RBFOX1: variants seen among roughly 807,000 people sequenced by gnomAD.
The protein encoded by RBFOX1 is RNA binding protein fox-1 homolog 1.
RBFOX1 carries 8 observed loss-of-function variants against 57.7 expected under a neutral mutation model. That is an observed-to-expected ratio of 0.14 (90% CI 0.08 to 0.25). The LOEUF (loss-of-function observed/expected upper bound fraction) is 0.25, where lower values mean the gene tolerates loss of function less well. Among genes scored for constraint, RBFOX1 ranks in the 10% least tolerant of loss-of-function variants. RBFOX1 has a pLI of 1.00. For missense variants in RBFOX1, 611 were observed against 548.5 expected, an observed-to-expected ratio of 1.11 and a Z score of -1.14; for synonymous variants, 326 against 222.4, an observed-to-expected ratio of 1.47 and a Z score of -4.15.
intron 14 of RBFOX1, among the ~76,000 whole-genome samples, chr16:7,687,122 CTGTT>C (rs1045655545): frequency 2.4e-4 from 37 of 152,190 alleles, no homozygotes; most frequent in Middle Eastern, 6.8e-3. Context: ...TATAATCAAT[CTGTT>C]TGGTTACTTG....
intron 9 of RBFOX1, among the ~76,000 whole-genome samples, chr16:7,600,485 C>G (rs556307199): frequency 6.6e-6 from 1 of 151,972 alleles, no homozygotes; most frequent in African/African-American, 2.4e-5. Flanking sequence ...ATAAGCAAGA[C>G]GATAGAGTTA....
intron 3 of RBFOX1, among the ~76,000 whole-genome samples, chr16:6,880,454 G>T (rs1303550633): frequency 2.0e-5 from 3 of 152,184 alleles, no homozygotes; most frequent in Admixed American, 6.5e-5. Context: ...CTCTTCCCCT[G>T]TGTTGGTCAT....
chr16:6,820,234 G>C (rs12932155), intron 3 of RBFOX1, among the ~76,000 whole-genome samples: 42,144 of 152,046 alleles, frequency 0.28, 5,863 homozygotes, highest in Admixed American at 0.3. Flanking sequence ...ACTGTGAGTC[G>C]ATTAAACCTT....
At chr16:7,170,198 A>T (rs1019162267) in intron 4 of RBFOX1, among the ~76,000 whole-genome samples, 1 of 152,216 alleles carries the variant, frequency 6.6e-6, no homozygotes, top group African/African-American at 2.4e-5. Context: ...TAGCATGATG[A>T]CCAGATTAAT....
At position 5,424,875 on chromosome 16, in the gene RBFOX1, TTTTCTTTCTTTCTTTCTTTCTTTC is replaced by T. The variant is rs71142619; in HGVS notation, c.220-42303_220-42280del. ...TCTCTCTCTCTTCTTTCTTTCTTTT[TTTTCTTTCTTTCTTTCTTTCTTTC>T]TTTCTTTCTTTCTTTCTTTCTTTCT... is the stretch of plus-strand genomic sequence containing the variant. On this transcript the variant is annotated intron_variant, in intron 1 of 2. Coordinates refer to the RBFOX1 transcript ENST00000585867. Among the ~76,000 whole-genome samples the T allele has an allele frequency of 2.7e-3, 208 of 76,886 alleles. 6 individuals are homozygous for T. Among genetic ancestry groups the T allele is most frequent in the East Asian group, 8.8e-3 (19 of 2,160 alleles). The allele number at this position is 76,886 out of a possible 152,430, so 50.4% of individuals were successfully genotyped here.
At chr16:6,905,866 C>A (rs957266907) in intron 3 of RBFOX1, among the ~76,000 whole-genome samples, 2 of 152,206 alleles carry the variant, frequency 1.3e-5, no homozygotes. Context: ...CCCTGGCCCT[C>A]TGCTGATCCC....
intron 3 of RBFOX1, among the ~76,000 whole-genome samples, chr16:5,811,026 C>T (rs1857167485): frequency 6.6e-6 from 1 of 152,098 alleles, no homozygotes; most frequent in Admixed American, 6.6e-5. Flanking sequence ...TTTGCAGTCC[C>T]TCGCTCCTGC....
intron 4 of RBFOX1, among the ~76,000 whole-genome samples, chr16:7,283,434 G>A (rs1420911521): frequency 6.6e-6 from 1 of 151,970 alleles, no homozygotes; most frequent in Admixed American, 6.6e-5. Context: ...AGCTCACTAG[G>A]TAGATGATGG....
chr16:6,325,874 C>G (rs560144707), intron 2 of RBFOX1, among the ~76,000 whole-genome samples: 2 of 152,144 alleles, frequency 1.3e-5, no homozygotes. Flanking sequence ...ATTTGCAGAT[C>G]CTTGCTTCAG....
intron 2 of RBFOX1, among the ~76,000 whole-genome samples, chr16:5,479,271 CAT>C (rs973771653): frequency 1.2e-4 from 19 of 152,112 alleles, no homozygotes; most frequent in African/African-American, 4.6e-4. Context: ...AATCAGATGA[CAT>C]GTTTGCCCTG....
At chr16:7,495,234 C>G (rs373565068) in intron 4 of RBFOX1, among the ~76,000 whole-genome samples, 3 of 152,320 alleles carry the variant, frequency 2.0e-5, no homozygotes, top group East Asian at 1.9e-4. Flanking sequence ...CACACCTAGG[C>G]TAATTCCATG....
chr16:6,730,193 G>A (rs1017957494), intron 3 of RBFOX1, among the ~76,000 whole-genome samples: 1 of 152,090 alleles, frequency 6.6e-6, no homozygotes, highest in Admixed American at 6.6e-5. Context: ...AGGAGAAGAG[G>A]AGGGGACATA....
chr16:5,794,922 C>A (rs1429074890), intron 3 of RBFOX1, among the ~76,000 whole-genome samples: 2 of 152,198 alleles, frequency 1.3e-5, no homozygotes, highest in Non-Finnish European at 2.9e-5. Context: ...AGTCTACACA[C>A]TGTCTGTGGA....
At chr16:6,134,683 A>AT (rs61209958) in intron 1 of RBFOX1, among the ~76,000 whole-genome samples, 16,303 of 143,444 alleles carry the variant, frequency 0.11, 1,597 homozygotes, top group African/African-American at 0.25. Flanking sequence ...AACTCAGAGT[A>AT]TTTTTTTTTT....
chr16:5,835,777 T>C (rs1031068198), intron 3 of RBFOX1, among the ~76,000 whole-genome samples: 1 of 152,236 alleles, frequency 6.6e-6, no homozygotes, highest in African/African-American at 2.4e-5. Context: ...TTATATCTGA[T>C]TACTTATTCA....
At chr16:6,313,480 C>G (rs1017102218) in intron 1 of RBFOX1, among the ~76,000 whole-genome samples, 4 of 152,128 alleles carry the variant, frequency 2.6e-5, no homozygotes, top group African/African-American at 9.7e-5. Flanking sequence ...GTTGCAGTAG[C>G]CAGCCCTGTT....
intron 3 of RBFOX1, among the ~76,000 whole-genome samples, chr16:5,800,453 G>A (rs1008621723): frequency 6.6e-6 from 1 of 152,146 alleles, no homozygotes; most frequent in East Asian, 1.9e-4. Context: ...TGCACCCCCA[G>A]CACGCCCTTG....
At chr16:6,736,381 C>A (rs1603480235) in intron 3 of RBFOX1, among the ~76,000 whole-genome samples, 1 of 152,100 alleles carries the variant, frequency 6.6e-6, no homozygotes, top group African/African-American at 2.4e-5. Context: ...TAGCTTAGCT[C>A]CCACATATCA....
At chr16:6,373,178 G>A (rs1450335351) in intron 2 of RBFOX1, among the ~76,000 whole-genome samples, 34 of 151,638 alleles carry the variant, frequency 2.2e-4, no homozygotes, top group Admixed American at 2.2e-3. Context: ...GGATGTTTGG[G>A]TGGAGTGGAG....
Sources: gnomAD v4.1 joint callset for allele counts (sites outside exome capture counted in the v4.1 genomes callset) on GRCh38, gnomAD v4.1.1 for gene constraint, MANE v1.5 for transcripts, NCBI Gene and HGNC (gene_info 2026-07-23, HGNC 2026-07-21) for gene names.